The following CA10 variants were observed in gnomAD, a reference collection of about 807,000 sequenced individuals.
CA10 encodes the protein carbonic anhydrase-related protein 10.
CA10 carries 14 observed loss-of-function variants against 44.2 expected under a neutral mutation model. The ratio of observed to expected loss-of-function variants is 0.32; its 90% CI spans 0.21 to 0.50. The LOEUF is 0.50. Among genes scored for constraint, CA10 ranks in the 20% least tolerant of loss-of-function variants. The pLI is 0.99. For missense variants in CA10, 350 were observed against 409.7 expected (o/e 0.85, Z 1.26); for synonymous variants, 159 against 141.6 (o/e 1.12, Z -0.87).
At chr17:51,707,000 G>C (rs1176975060) in intron 4 of CA10, among the ~76,000 whole-genome samples, 2 of 152,144 alleles carry the variant, frequency 1.3e-5, no homozygotes, top group Admixed American at 6.5e-5. Context: ...CACAGCGCTT[G>C]TCACTATTTG....
chr17:52,151,970 A>G (rs1175160286), intron 1 of CA10, among the ~76,000 whole-genome samples: 1 of 152,098 alleles, frequency 6.6e-6, no homozygotes, highest in Non-Finnish European at 1.5e-5. Context: ...TATTCCAGAT[A>G]CCACATTAGC....
At chr17:51,987,019 GAA>G (rs993902064) in intron 2 of CA10, among the ~76,000 whole-genome samples, 1 of 151,882 alleles carries the variant, frequency 6.6e-6, no homozygotes, top group Non-Finnish European at 1.5e-5. Context: ...CTACCCAGAG[GAA>G]AAAAAGTCAT....
intron 1 of CA10, among the ~76,000 whole-genome samples, chr17:52,144,926 T>C (rs1354343939): frequency 6.6e-6 from 1 of 152,162 alleles, no homozygotes; most frequent in Non-Finnish European, 1.5e-5. Context: ...AATTTACAAA[T>C]GAGGATACTG....
chr17:52,075,083 C>A (rs1382353624), intron 1 of CA10, among the ~76,000 whole-genome samples: 1 of 152,008 alleles, frequency 6.6e-6, no homozygotes, highest in Non-Finnish European at 1.5e-5. Context: ...CTCCATGGCT[C>A]TTTACTGAAA....
At chr17:51,641,175 C>CTT (rs1222110835) in intron 6 of CA10, among the ~76,000 whole-genome samples, 1 of 145,736 alleles carries the variant, frequency 6.9e-6, no homozygotes, top group Non-Finnish European at 1.5e-5. Flanking sequence ...TCCTCTCTCT[C>CTT]TCTCTCATAT....
chr17:51,721,795 C>A (rs537527163), intron 4 of CA10, among the ~76,000 whole-genome samples: 4 of 152,176 alleles, frequency 2.6e-5, no homozygotes, highest in African/African-American at 9.6e-5. Flanking sequence ...CCAAAGAAGG[C>A]CTAGAAGCTT....
chr17:52,092,785 T>C (rs1374477136), intron 1 of CA10, among the ~76,000 whole-genome samples: 1 of 152,326 alleles, frequency 6.6e-6, no homozygotes, highest in South Asian at 2.1e-4. Context: ...CTGTACTTGC[T>C]CTCTGAGGAT....
chr17:51,825,897 T>A (rs1464620118), intron 3 of CA10, among the ~76,000 whole-genome samples: 1 of 152,238 alleles, frequency 6.6e-6, no homozygotes, highest in Non-Finnish European at 1.5e-5. Flanking sequence ...GACTTCTGTA[T>A]CAATCTTAGC....
chr17:51,689,953 T>C (rs932274261), intron 4 of CA10, among the ~76,000 whole-genome samples: 13 of 114,932 alleles, frequency 1.1e-4, no homozygotes, highest in African/African-American at 6.2e-4. Context: ...CTCTTACCGA[T>C]TTTTTTTTTT....
rs925173129 is a variant in CA10, at chr17:51,630,473, C to CAA, written c.*1109_*1110dup. 5 of 152,608 alleles carry CAA rather than the reference C, an allele frequency of 3.3e-5. No individual in the cohort carries two copies. The highest frequency in any genetic ancestry group is 9.7e-5 in the African/African-American group (4 of 41,434). 9.5% of individuals were successfully genotyped at this position (152,608 alleles called of 1,614,324 possible). ...ACCCCTTTCCCAGGAACTTACAAGG[C>CAA]AAAGTGCATTCCTTCACGGGAGCAT... On this transcript the variant is annotated 3_prime_UTR_variant, in exon 9 of 9. Transcript: ENST00000451037.
chr17:51,975,872 GAAAAAA>G (rs139387796), intron 2 of CA10, among the ~76,000 whole-genome samples: 2 of 98,142 alleles, frequency 2.0e-5, no homozygotes, highest in Non-Finnish European at 4.0e-5. Context: ...CTCTGTCTCG[GAAAAAA>G]AAAAAAAAAA....
intron 4 of CA10, among the ~76,000 whole-genome samples, chr17:51,726,541 T>C (rs1438921671): frequency 6.6e-6 from 1 of 152,204 alleles, no homozygotes; most frequent in African/African-American, 2.4e-5. Flanking sequence ...AAACATGTTA[T>C]ACACCAAAAA....
chr17:51,668,459 A>C (rs1914287369), intron 4 of CA10, among the ~76,000 whole-genome samples: 1 of 152,216 alleles, frequency 6.6e-6, no homozygotes, highest in Non-Finnish European at 1.5e-5. Context: ...TTCAGACAGG[A>C]GGAGCTGAGG....
intron 2 of CA10, among the ~76,000 whole-genome samples, chr17:52,038,345 C>G (rs992175983): frequency 6.6e-6 from 1 of 152,074 alleles, no homozygotes; most frequent in East Asian, 1.9e-4. Context: ...GTTATCGTTC[C>G]CATTTCAAGA....
At chr17:51,731,766 C>A (rs1916732245) in intron 4 of CA10, among the ~76,000 whole-genome samples, 1 of 151,922 alleles carries the variant, frequency 6.6e-6, no homozygotes, top group South Asian at 2.1e-4. Context: ...CAACCTCCAC[C>A]TCCTGGATTC....
intron 3 of CA10, among the ~76,000 whole-genome samples, chr17:51,753,318 C>T (rs1399626345): frequency 6.6e-6 from 1 of 152,164 alleles, no homozygotes; most frequent in African/African-American, 2.4e-5. Flanking sequence ...AATTGTATGC[C>T]TGGTGTATTT....
chr17:52,061,397 C>T (rs1987381199), intron 2 of CA10, among the ~76,000 whole-genome samples: 2 of 152,074 alleles, frequency 1.3e-5, no homozygotes, highest in Non-Finnish European at 2.9e-5. Flanking sequence ...TGCAGGCTGC[C>T]CTAGTGACAC....
intron 2 of CA10, among the ~76,000 whole-genome samples, chr17:51,965,259 A>ATTT (rs1247607064): frequency 6.6e-6 from 1 of 151,752 alleles, no homozygotes; most frequent in Non-Finnish European, 1.5e-5. Flanking sequence ...TCACATAAAA[A>ATTT]AGCCCCAAAC....
At chr17:52,055,730 T>C (rs1987210318) in intron 2 of CA10, among the ~76,000 whole-genome samples, 1 of 152,106 alleles carries the variant, frequency 6.6e-6, no homozygotes. Context: ...AAAAAGGTAA[T>C]ATTTTCCTAG....
Sources: allele counts gnomAD v4.1 joint callset (sites outside exome capture counted in the v4.1 genomes callset), GRCh38; gene constraint gnomAD v4.1.1; transcripts MANE v1.5; gene names NCBI Gene and HGNC (gene_info 2026-07-23, HGNC 2026-07-21).